The following NCKAP1 variants were observed in gnomAD, a reference collection of about 807,000 sequenced individuals.
NCKAP1 encodes the protein NCK associated protein 1.
Under a neutral mutation model 151.2 loss-of-function variants are expected in NCKAP1, and 21 were observed. That is an observed-to-expected ratio of 0.14 (90% CI 0.10 to 0.20). The LOEUF (loss-of-function observed/expected upper bound fraction) is 0.20, where lower values mean the gene tolerates loss of function less well. NCKAP1 is among the 10% of genes least tolerant of loss of function. NCKAP1 has a pLI of 1.00. For missense variants in NCKAP1, 933 were observed against 1,352.1 expected, an observed-to-expected ratio of 0.69 and a Z score of 4.86; for synonymous variants, 484 against 451.8, an observed-to-expected ratio of 1.07 and a Z score of -0.90.
intron 18 of NCKAP1, among the ~76,000 whole-genome samples, chr2:182,958,938 T>G (rs1412113582): frequency 6.6e-6 from 1 of 152,208 alleles, no homozygotes; most frequent in Non-Finnish European, 1.5e-5. Flanking sequence ...ATACAATATT[T>G]CATTCATATG....
intron 1 of NCKAP1, among the ~76,000 whole-genome samples, chr2:183,035,210 G>A (rs752776290): frequency 4.6e-5 from 7 of 151,084 alleles, no homozygotes; most frequent in African/African-American, 7.3e-5. Flanking sequence ...TACATCCTCC[G>A]TCAAACTACA....
chr2:183,032,067 G>C (rs1462407992), intron 1 of NCKAP1, among the ~76,000 whole-genome samples: 4 of 152,080 alleles, frequency 2.6e-5, no homozygotes, highest in Non-Finnish European at 5.9e-5. Flanking sequence ...ATTTTTTTCT[G>C]TTCAAGTTAA....
rs1192848711 is a variant in NCKAP1, at chr2:182,925,068, G to A, written c.*634C>T. ...CTAATGCCAACAGGGCACCATGGAA[G>A]TTAGTCTAAAAATTATCGCTAGGCT... On this transcript the variant is annotated 3_prime_UTR_variant, in exon 31 of 31. Coordinates refer to ENST00000361354, the MANE Select transcript of NCKAP1 (RefSeq NM_013436.5). 6.6e-6 allele frequency: 1 copy of A among 152,132 alleles called. No individual in the cohort carries two copies. The highest frequency in any genetic ancestry group is 6.5e-5 in the Admixed American group (1 of 15,270). 9.4% of individuals were successfully genotyped at this position (152,132 alleles called of 1,614,324 possible).
chr2:182,994,987 A>T, intron 7 of NCKAP1, 100 bp from the exon 8 acceptor site: 1 of 918,482 alleles, frequency 1.1e-6, no homozygotes, highest in South Asian at 1.6e-5. Context: ...TTACTACCCA[A>T]TTCTTCGCCC....
intron 28 of NCKAP1, 128 bp downstream of exon 28, chr2:182,928,655 T>G: frequency 1.7e-6 from 1 of 595,218 alleles, no homozygotes; most frequent in East Asian, 3.0e-5. Context: ...AACTGCAGTT[T>G]AGGAAAAGGG....
chr2:182,957,744 T>C (rs1697355478), intron 18 of NCKAP1, 148 bp from the exon 19 acceptor site: 1 of 853,548 alleles, frequency 1.2e-6, no homozygotes, highest in African/African-American at 1.7e-5. Context: ...ATACAGAGCT[T>C]ACTTAGCTAG....
chr2:182,951,497 C>T (rs547676561), intron 23 of NCKAP1, among the ~76,000 whole-genome samples: 35 of 151,656 alleles, frequency 2.3e-4, no homozygotes, highest in Admixed American at 1.4e-3. Flanking sequence ...GGTGAAACAC[C>T]GTCTCTACTA....
At chr2:182,957,757 T>C (rs967811067) in intron 18 of NCKAP1, among the ~76,000 whole-genome samples, 161 bp from the exon 19 acceptor site, 21 of 152,192 alleles carry the variant, frequency 1.4e-4, no homozygotes, top group Non-Finnish European at 3.1e-4. Context: ...TTAGCTAGCT[T>C]GGGTAATGCA....
chr2:182,943,735 G>A (rs1475731738), intron 23 of NCKAP1, among the ~76,000 whole-genome samples: 1 of 151,936 alleles, frequency 6.6e-6, no homozygotes, highest in Non-Finnish European at 1.5e-5. Context: ...ATAACCATTT[G>A]TTAAGCTCTT....
At chr2:182,958,140 A>G (rs1697363239) in intron 18 of NCKAP1, among the ~76,000 whole-genome samples, 1 of 151,944 alleles carries the variant, frequency 6.6e-6, no homozygotes, top group Non-Finnish European at 1.5e-5. Flanking sequence ...ATGAGGAGAC[A>G]TTTTCTTTTC....
Position 182,928,837 on chromosome 2 carries a change from A to T in NCKAP1, c.3016T>A (p.Ser1006Thr), listed in dbSNP as rs1371368372. The change falls in exon 28 of 31, where the codon TCT becomes ACT. Residue 1006 changes from serine (S) to threonine (T), a missense_variant. Transcript: ENST00000361354. ...ACATTACTGGCCAGTGTTGGCAAAG[A>T]AACTGCCACAAACACCATGAGAAGG... Reference protein sequence around the residue: ...ACLLMVFVAVSLPTLASNVMS... With the variant: ...ACLLMVFVAVTLPTLASNVMS... 2 of 1,612,492 alleles carry T rather than the reference A, an allele frequency of 1.2e-6. No individual in the cohort carries two copies. The highest frequency in any genetic ancestry group is 1.7e-6 in the Non-Finnish European group (2 of 1,178,948).
intron 2 of NCKAP1, among the ~76,000 whole-genome samples, chr2:183,009,370 G>A (rs1698542246): frequency 6.8e-6 from 1 of 147,476 alleles, no homozygotes; most frequent in Admixed American, 6.8e-5. Flanking sequence ...GGGAGGGGAA[G>A]GGAGGGGAGG....
At position 182,995,932 on chromosome 2, in the gene NCKAP1, A is replaced by G. The variant is rs184726040; in HGVS notation, c.604-94T>C. On this transcript the variant is annotated intron_variant, in intron 6 of 30. Coordinates refer to ENST00000361354, the MANE Select transcript of NCKAP1 (RefSeq NM_013436.5). Reference sequence around the variant, plus strand: ...ATTGCTGTGTGTTTCTAACTATACCATCATAAAACAACACAGCCTAATTAT... The same window carrying G: ...ATTGCTGTGTGTTTCTAACTATACCGTCATAAAACAACACAGCCTAATTAT... 7.3e-4 allele frequency: 801 copies of G among 1,090,688 alleles called. 3 individuals carry two copies. The African/African-American group carries it at 0.011, about 15-fold the overall frequency. 67.6% of individuals were successfully genotyped at this position (1,090,688 alleles called of 1,614,324 possible).
intron 24 of NCKAP1, among the ~76,000 whole-genome samples, chr2:182,937,799 A>C: frequency 6.6e-6 from 1 of 152,186 alleles, no homozygotes; most frequent in East Asian, 1.9e-4. Context: ...AGAATCAGAG[A>C]GGATGCCCAA....
intron 20 of NCKAP1, among the ~76,000 whole-genome samples, chr2:182,954,203 C>T (rs889408565): frequency 2.6e-5 from 4 of 152,154 alleles, no homozygotes; most frequent in Admixed American, 2.6e-4. Flanking sequence ...AACTGTATGA[C>T]AGTCAAACAA....
chr2:182,959,707 TA>T (rs1388545347), intron 18 of NCKAP1, among the ~76,000 whole-genome samples: 1 of 152,160 alleles, frequency 6.6e-6, no homozygotes, highest in African/African-American at 2.4e-5. Flanking sequence ...TCACCACTCC[TA>T]TTCAACACAG....
At chr2:182,989,276 T>C (rs1698119820) in intron 8 of NCKAP1, 90 bp from the exon 9 acceptor site, 4 of 987,894 alleles carry the variant, frequency 4.0e-6, no homozygotes, top group South Asian at 1.8e-5. Flanking sequence ...TACAGAAACG[T>C]AACCACGATC....
chr2:182,951,057 T>C (rs1282596600), intron 23 of NCKAP1, among the ~76,000 whole-genome samples: 1 of 151,898 alleles, frequency 6.6e-6, no homozygotes, highest in Non-Finnish European at 1.5e-5. Context: ...GGTCTTGAAC[T>C]CCTAACTTCA....
chr2:182,935,313 C>A lies in NCKAP1; in HGVS notation c.2758G>T (p.Ala920Ser). The change falls in exon 25 of 31, where the codon GCA becomes TCA. Residue 920 changes from alanine to serine, a missense_variant. Physicochemically the swap from Ala to Ser is moderately conservative, Grantham distance 99 (BLOSUM62 1). Transcript: ENST00000361354. ...CTTACATCTCTAAGTGCTTCTTGTG[C>A]CAATGATCGGAAGGATAAAATTACA... is the stretch of plus-strand genomic sequence containing the variant. Reference protein sequence around the residue: ...IGVILSFRSLAQEALRDVLSY... With the variant: ...IGVILSFRSLSQEALRDVLSY... 1.3e-6 allele frequency: 2 copies of A among 1,590,262 alleles called. No homozygotes were observed. The highest frequency in any genetic ancestry group is 1.7e-6 in the Non-Finnish European group (2 of 1,171,212).
Sources: gnomAD v4.1 joint callset for allele counts (sites outside exome capture counted in the v4.1 genomes callset) on GRCh38, gnomAD v4.1.1 for gene constraint, MANE v1.5 for transcripts, NCBI Gene and HGNC (gene_info 2026-07-23, HGNC 2026-07-21) for gene names.